The following LMBR1 variants were observed in gnomAD, a reference collection of about 807,000 sequenced individuals.
LMBR1 encodes limb development membrane protein 1.
Under a neutral mutation model 73.9 loss-of-function variants are expected in LMBR1, and 52 were observed. The ratio of observed to expected loss-of-function variants is 0.70; its 90% CI spans 0.56 to 0.89. The LOEUF (loss-of-function observed/expected upper bound fraction) is 0.89. Among genes scored for constraint, LMBR1 ranks in the 40% least tolerant of loss-of-function variants. LMBR1 has a pLI of 0.00. For synonymous variants in LMBR1, 215 were observed against 209.4 expected, an observed-to-expected ratio of 1.03 and a Z score of -0.23; for missense variants, 539 against 579.8, an observed-to-expected ratio of 0.93 and a Z score of 0.72.
At chr7:156,806,598 CTTTTTTTTT>C (rs71189962) in intron 4 of LMBR1, among the ~76,000 whole-genome samples, 6 of 44,668 alleles carry the variant, frequency 1.3e-4, no homozygotes, top group African/African-American at 2.0e-4. Context: ...TTTGTAGATG[CTTTTTTTTT>C]TTTTTTTTTT....
At chr7:156,723,764 G>A (rs1037127505) in intron 15 of LMBR1, among the ~76,000 whole-genome samples, 1 of 151,964 alleles carries the variant, frequency 6.6e-6, no homozygotes, top group Non-Finnish European at 1.5e-5. Flanking sequence ...AATTATAAAC[G>A]CTCAAAAGCT....
At position 156,670,516 on chromosome 7, in the gene LMBR1, TA is replaced by T. The variant is rs1802251151; in HGVS notation, n.867-1230del. Among the ~76,000 whole-genome samples, 1 of 152,200 alleles carries T rather than the reference TA, an allele frequency of 6.6e-6. No individual in the cohort carries two copies. The highest frequency in any genetic ancestry group is 1.5e-5 in the Non-Finnish European group (1 of 68,028). On this transcript the variant is annotated intron_variant and non_coding_transcript_variant, in intron 4 of 4. Transcript: ENST00000430825. The surrounding 1 kb of genome is among the most constrained non-coding windows in gnomAD (Gnocchi z 4.3). ...AAGAATTTTCCAGATCTGAAGAAGA[TA>T]CAAGCCACAGATTTAAGAAGCCCAA...
intron 1 of LMBR1, among the ~76,000 whole-genome samples, chr7:156,870,338 A>T (rs906111046): frequency 1.3e-5 from 2 of 152,248 alleles, no homozygotes; most frequent in Admixed American, 1.3e-4. Context: ...AGCAAATTTA[A>T]GAAGGCTGAA....
At chr7:156,710,499 G>A (rs180714172) in intron 15 of LMBR1, among the ~76,000 whole-genome samples, 38 of 152,198 alleles carry the variant, frequency 2.5e-4, no homozygotes, top group African/African-American at 6.7e-4. Flanking sequence ...TTAAAAACAC[G>A]AACAAAGCCT....
chr7:156,850,477 T>C (rs530167515), intron 1 of LMBR1, among the ~76,000 whole-genome samples: 1 of 152,368 alleles, frequency 6.6e-6, no homozygotes, highest in South Asian at 2.1e-4. Flanking sequence ...TAACCACCAA[T>C]CTACTTTCTG....
intron 15 of LMBR1, among the ~76,000 whole-genome samples, chr7:156,713,060 G>A (rs896797064): frequency 8.5e-5 from 13 of 152,194 alleles, no homozygotes; most frequent in African/African-American, 2.9e-4. Context: ...CTTATTCCAC[G>A]TTAAAAAGAT....
At chr7:156,875,904 A>AT (rs1232150811) in intron 1 of LMBR1, among the ~76,000 whole-genome samples, 1 of 114,032 alleles carries the variant, frequency 8.8e-6, no homozygotes, top group Non-Finnish European at 1.8e-5. Context: ...CAAAAATACA[A>AT]TTAAAAAAAA....
At chr7:156,842,803 GCTGTAAAACAT>G (rs1838953090) in intron 1 of LMBR1, among the ~76,000 whole-genome samples, 1 of 152,184 alleles carries the variant, frequency 6.6e-6, no homozygotes, top group Non-Finnish European at 1.5e-5. Context: ...GCCTGGTGGT[GCTGTAAAACAT>G]GAGAGCCAGA....
chr7:156,782,685 C>G (rs902407749), intron 5 of LMBR1, among the ~76,000 whole-genome samples: 3 of 152,256 alleles, frequency 2.0e-5, no homozygotes, highest in African/African-American at 7.2e-5. Context: ...GCTGGGATTA[C>G]AGGCACACGC....
At chr7:156,892,090 T>A (rs940818179) in intron 1 of LMBR1, among the ~76,000 whole-genome samples, 7 of 152,106 alleles carry the variant, frequency 4.6e-5, no homozygotes, top group African/African-American at 1.7e-4. Context: ...GATAAAAACA[T>A]CAAAGTAGAC....
intron 5 of LMBR1, among the ~76,000 whole-genome samples, chr7:156,787,923 C>G (rs1828443372): frequency 6.6e-6 from 1 of 152,158 alleles, no homozygotes; most frequent in South Asian, 2.1e-4. Flanking sequence ...ATTACAGGTG[C>G]CCACCACCAC....
rs531142937 is a variant in LMBR1, at chr7:156,888,596, T to C, written c.66+4332A>G. On this transcript the variant is annotated intron_variant, in intron 1 of 16. Transcript: ENST00000353442. ...ATGAATGGGTAAGCAAAATACAGTA[T>C]ACACAAAAAGAAAATATTATTCAGC... 1.2e-3 allele frequency among the ~76,000 whole-genome samples: 186 copies of C among 151,658 alleles called. 1 individual carries two copies. Among genetic ancestry groups the C allele is most frequent in the African/African-American group, 4.4e-3 (181 of 41,348 alleles).
At chr7:156,747,117 T>A (rs1455417222) in intron 9 of LMBR1, among the ~76,000 whole-genome samples, 1 of 152,196 alleles carries the variant, frequency 6.6e-6, no homozygotes, top group African/African-American at 2.4e-5. Flanking sequence ...TCTATTTGCA[T>A]TCCCCTTAGG....
chr7:156,748,880 A>C (rs964257619), intron 9 of LMBR1, among the ~76,000 whole-genome samples: 13 of 152,196 alleles, frequency 8.5e-5, no homozygotes, highest in African/African-American at 3.1e-4. Flanking sequence ...ATTATTCCTA[A>C]GCATTCCTCA....
intron 5 of LMBR1, among the ~76,000 whole-genome samples, chr7:156,790,989 T>G (rs1314478308): frequency 1.3e-5 from 2 of 152,196 alleles, no homozygotes; most frequent in Admixed American, 6.5e-5. Flanking sequence ...TTCTGATCCA[T>G]AACCATTTCT....
At chr7:156,835,953 T>C (rs573107983) in intron 2 of LMBR1, among the ~76,000 whole-genome samples, 1 of 152,194 alleles carries the variant, frequency 6.6e-6, no homozygotes, top group Non-Finnish European at 1.5e-5. Flanking sequence ...CATGAAACCA[T>C]GCCAATGAAT....
intron 15 of LMBR1, among the ~76,000 whole-genome samples, chr7:156,693,495 T>A (rs1188742157): frequency 6.6e-6 from 1 of 152,046 alleles, no homozygotes; most frequent in African/African-American, 2.4e-5. Flanking sequence ...AAAAAGATCA[T>A]AAGGAACTAT....
At chr7:156,824,133 T>C (rs960295223) in intron 4 of LMBR1, among the ~76,000 whole-genome samples, 15 of 149,668 alleles carry the variant, frequency 1.0e-4, no homozygotes, top group African/African-American at 3.5e-4. Context: ...CAACAATATA[T>C]ATATACACAC....
chr7:156,838,218 A>AT (rs1004991829), intron 1 of LMBR1, among the ~76,000 whole-genome samples: 1 of 152,172 alleles, frequency 6.6e-6, no homozygotes. Flanking sequence ...AATATTTATA[A>AT]TTTTTTGTGA....
Sources: allele counts gnomAD v4.1 joint callset (sites outside exome capture counted in the v4.1 genomes callset), GRCh38; gene constraint gnomAD v4.1.1; non-coding constraint Gnocchi (gnomAD v3.1); transcripts MANE v1.5; gene names NCBI Gene and HGNC (gene_info 2026-07-23, HGNC 2026-07-21).